Variants in GPC5 observed in about 807,000 individuals in gnomAD.
GPC5 encodes the protein glypican-5.
Under a neutral mutation model 53.9 loss-of-function variants are expected in GPC5, and 47 were observed. That is an observed-to-expected ratio of 0.87 (90% CI 0.69 to 1.11). The LOEUF is 1.11. GPC5 is among the 50% of genes most tolerant of loss of function. The pLI is 0.00. For synonymous variants in GPC5, 286 were observed against 263.3 expected, an observed-to-expected ratio of 1.09 and a Z score of -0.84; for missense variants, 748 against 713.1, an observed-to-expected ratio of 1.05 and a Z score of -0.56.
At chr13:91,436,616 C>G (rs1879993012) in intron 1 of GPC5, among the ~76,000 whole-genome samples, 1 of 152,104 alleles carries the variant, frequency 6.6e-6, no homozygotes, top group Non-Finnish European at 1.5e-5. Flanking sequence ...ACTATGTGGT[C>G]AATTTTGGAA....
intron 5 of GPC5, among the ~76,000 whole-genome samples, chr13:91,868,681 G>A (rs2039110896): frequency 6.6e-6 from 1 of 152,058 alleles, no homozygotes; most frequent in Non-Finnish European, 1.5e-5. Flanking sequence ...CTCCAGCCTG[G>A]GTGACAGAAT....
chr13:92,624,079 A>AG (rs1448032862), intron 7 of GPC5, among the ~76,000 whole-genome samples: 1 of 101,590 alleles, frequency 9.8e-6, no homozygotes, highest in East Asian at 2.4e-4. Flanking sequence ...CCAGGCTGGT[A>AG]ATTTTTTTTT....
intron 4 of GPC5, among the ~76,000 whole-genome samples, chr13:91,743,447 G>T (rs768485641): frequency 1.3e-5 from 2 of 152,136 alleles, no homozygotes; most frequent in Admixed American, 6.6e-5. Flanking sequence ...AGCATCTATA[G>T]CAAGAGTATC....
At chr13:92,262,410 G>A (rs2042773412) in intron 7 of GPC5, among the ~76,000 whole-genome samples, 1 of 152,118 alleles carries the variant, frequency 6.6e-6, no homozygotes, top group Non-Finnish European at 1.5e-5. Context: ...TTATTCAATT[G>A]ATATTAATGT....
chr13:92,864,958 G>C (rs1879294906), intron 7 of GPC5, among the ~76,000 whole-genome samples: 1 of 151,888 alleles, frequency 6.6e-6, no homozygotes. Flanking sequence ...CAATATTTGT[G>C]GCTGTAGTAA....
At chr13:92,186,035 A>G (rs2042181444) in intron 7 of GPC5, among the ~76,000 whole-genome samples, 1 of 152,300 alleles carries the variant, frequency 6.6e-6, no homozygotes, top group Admixed American at 6.5e-5. Flanking sequence ...AAATGTAAGT[A>G]TAAAATCAGA....
chr13:91,946,194 A>T (rs2039973075), intron 6 of GPC5, among the ~76,000 whole-genome samples: 1 of 152,078 alleles, frequency 6.6e-6, no homozygotes, highest in Non-Finnish European at 1.5e-5. Flanking sequence ...ATAATTTGAA[A>T]TTTGGGGTCT....
Position 91,864,417 on chromosome 13 carries a change from T to G in GPC5, c.1281-43520T>G, listed in dbSNP as rs1484852061. 2.0e-5 allele frequency among the ~76,000 whole-genome samples: 3 copies of G among 152,320 alleles called. No homozygotes were observed. In the East Asian group the frequency reaches 5.8e-4, roughly 29 times the overall value. On this transcript the variant is annotated intron_variant, in intron 5 of 7. Transcript: ENST00000377067. ...TTTGCTTTTACAGGAAAATAATCAT[T>G]ATTGTTTTTAAACGATGGAATCTAT...
At chr13:92,682,707 A>G (rs2139224256) in intron 7 of GPC5, among the ~76,000 whole-genome samples, 1 of 152,336 alleles carries the variant, frequency 6.6e-6, no homozygotes, top group Non-Finnish European at 1.5e-5. Flanking sequence ...ACAAGTTTAG[A>G]TGTCAGTAAT....
At chr13:92,752,114 C>T (rs886973671) in intron 7 of GPC5, among the ~76,000 whole-genome samples, 4 of 150,836 alleles carry the variant, frequency 2.7e-5, no homozygotes, top group African/African-American at 9.7e-5. Flanking sequence ...TCAAACTTGG[C>T]ATTACCATAC....
chr13:91,438,852 C>A (rs994034826), intron 1 of GPC5, among the ~76,000 whole-genome samples: 1 of 152,188 alleles, frequency 6.6e-6, no homozygotes, highest in Non-Finnish European at 1.5e-5. Flanking sequence ...ACTCAAGCGT[C>A]GGTAATGGCG....
chr13:92,290,533 G>A (rs113441947), intron 7 of GPC5, among the ~76,000 whole-genome samples: 108 of 152,162 alleles, frequency 7.1e-4, no homozygotes, highest in African/African-American at 2.5e-3. Context: ...TCATTCTTAT[G>A]TCATTGCATC....
intron 6 of GPC5, among the ~76,000 whole-genome samples, chr13:92,091,168 A>G (rs2041377513): frequency 6.6e-6 from 1 of 152,246 alleles, no homozygotes; most frequent in South Asian, 2.1e-4. Flanking sequence ...TAAAAATTTT[A>G]ACAAGACTAG....
intron 7 of GPC5, among the ~76,000 whole-genome samples, chr13:92,382,288 G>C (rs954867088): frequency 6.6e-6 from 1 of 151,962 alleles, no homozygotes; most frequent in African/African-American, 2.4e-5. Context: ...CCGGTGATGG[G>C]TGCGCCAAAA....
chr13:92,311,961 A>T (rs2043147831), intron 7 of GPC5, among the ~76,000 whole-genome samples: 1 of 152,174 alleles, frequency 6.6e-6, no homozygotes, highest in African/African-American at 2.4e-5. Flanking sequence ...GAGAAGGAGC[A>T]GAGAATTACC....
intron 2 of GPC5, among the ~76,000 whole-genome samples, chr13:91,552,665 C>T (rs1594243544): frequency 6.6e-6 from 1 of 152,134 alleles, no homozygotes; most frequent in Non-Finnish European, 1.5e-5. Context: ...ACAGATCGCT[C>T]ATGCTATTGT....
chr13:92,727,689 TG>T (rs561440092), intron 7 of GPC5, among the ~76,000 whole-genome samples: 83 of 151,552 alleles, frequency 5.5e-4, no homozygotes, highest in Middle Eastern at 3.4e-3. Context: ...TGGGCAGAGT[TG>T]TGCTCCCTAC....
intron 2 of GPC5, among the ~76,000 whole-genome samples, chr13:91,660,194 C>T (rs2034952984): frequency 6.6e-6 from 1 of 152,128 alleles, no homozygotes; most frequent in South Asian, 2.1e-4. Context: ...AAGTTTTGGC[C>T]ATTTGGGGCT....
chr13:92,163,000 G>A (rs143565277), intron 7 of GPC5, among the ~76,000 whole-genome samples: 123 of 151,936 alleles, frequency 8.1e-4, no homozygotes, highest in African/African-American at 2.8e-3. Flanking sequence ...CCCCATATTC[G>A]TCATTACATT....
Sources: allele counts gnomAD v4.1 joint callset (sites outside exome capture counted in the v4.1 genomes callset), GRCh38; gene constraint gnomAD v4.1.1; transcripts MANE v1.5; gene names NCBI Gene and HGNC (gene_info 2026-07-23, HGNC 2026-07-21).